The following DACH1 variants were observed in gnomAD, a reference collection of about 807,000 sequenced individuals.
DACH1 encodes dachshund homolog 1.
Under a neutral mutation model 54.2 loss-of-function variants are expected in DACH1, and 12 were observed. The ratio of observed to expected loss-of-function variants is 0.22; its 90% CI spans 0.14 to 0.36. The LOEUF (loss-of-function observed/expected upper bound fraction) is 0.36. DACH1 is among the 10% of genes least tolerant of loss of function. The pLI is 1.00. For synonymous variants in DACH1, 386 were observed against 366.2 expected (o/e 1.05, Z -0.62); for missense variants, 805 against 929.8 (o/e 0.87, Z 1.75).
At chr13:71,779,140 C>T (rs1235744321) in intron 1 of DACH1, among the ~76,000 whole-genome samples, 8 of 138,272 alleles carry the variant, frequency 5.8e-5, no homozygotes, top group African/African-American at 1.1e-4. Flanking sequence ...CATATATACA[C>T]ATATATACAC....
chr13:71,526,367 C>A (rs1216349235), intron 6 of DACH1, among the ~76,000 whole-genome samples: 1 of 152,036 alleles, frequency 6.6e-6, no homozygotes, highest in African/African-American at 2.4e-5. Context: ...CTGGCAGTTC[C>A]ATTTTCTTAT....
chr13:71,864,442 G>C (rs1476429212), intron 1 of DACH1, among the ~76,000 whole-genome samples: 1 of 152,042 alleles, frequency 6.6e-6, no homozygotes, highest in Non-Finnish European at 1.5e-5. Context: ...ATGTCCTTCT[G>C]GTCTCCTTGC....
chr13:71,559,418 G>A (rs1431626123), intron 5 of DACH1, among the ~76,000 whole-genome samples: 1 of 151,952 alleles, frequency 6.6e-6, no homozygotes, highest in Admixed American at 6.6e-5. Flanking sequence ...ATTAACACAA[G>A]GATAAAATTT....
At chr13:71,559,471 A>T (rs1339190936) in intron 5 of DACH1, among the ~76,000 whole-genome samples, 2 of 152,180 alleles carry the variant, frequency 1.3e-5, no homozygotes, top group Non-Finnish European at 2.9e-5. Flanking sequence ...GGATTTGAGG[A>T]ATGATGTTGA....
chr13:71,486,248 T>TA (rs879330338), intron 7 of DACH1, among the ~76,000 whole-genome samples: 3 of 151,946 alleles, frequency 2.0e-5, no homozygotes, highest in African/African-American at 7.2e-5. Context: ...TTAATTTTAA[T>TA]AAAAAATAAC....
rs772067224 is a variant in DACH1 at position 71,593,397 on chromosome 13, A to G, written c.1127-20385T>C. 2.6e-5 allele frequency among the ~76,000 whole-genome samples: 4 copies of G among 152,154 alleles called. 1 individual carries two copies. The South Asian group carries it at 8.3e-4, about 32-fold the overall frequency. On this transcript the variant is annotated intron_variant, in intron 3 of 10. Transcript: ENST00000613252. Reference sequence around the variant, plus strand: ...AGACAATGGATCTAAATTATCTATTATATTAATGATTGAAAGAATAGATGC... The same window carrying G: ...AGACAATGGATCTAAATTATCTATTGTATTAATGATTGAAAGAATAGATGC...
At chr13:71,745,265 A>T (rs914476000) in intron 1 of DACH1, among the ~76,000 whole-genome samples, 20 of 152,160 alleles carry the variant, frequency 1.3e-4, no homozygotes, top group African/African-American at 4.8e-4. Context: ...GTTCTACTAC[A>T]GGTTCATTAT....
intron 6 of DACH1, among the ~76,000 whole-genome samples, chr13:71,510,880 A>G (rs1880723486): frequency 6.6e-6 from 1 of 151,984 alleles, no homozygotes; most frequent in Non-Finnish European, 1.5e-5. Context: ...ACATTATTCT[A>G]TGTAACTCTC....
intron 1 of DACH1, among the ~76,000 whole-genome samples, chr13:71,768,898 G>A (rs950121054): frequency 6.6e-6 from 1 of 151,740 alleles, no homozygotes; most frequent in Non-Finnish European, 1.5e-5. Flanking sequence ...CTGAGTCTTG[G>A]AGCTTTTTTT....
At chr13:71,502,744 G>A (rs995604784) in intron 6 of DACH1, among the ~76,000 whole-genome samples, 4 of 152,096 alleles carry the variant, frequency 2.6e-5, no homozygotes, top group African/African-American at 9.7e-5. Context: ...TCATGAATCT[G>A]CCTCATTTGT....
chr13:71,721,705 TTTTA>T, intron 1 of DACH1, among the ~76,000 whole-genome samples: 1 of 152,276 alleles, frequency 6.6e-6, no homozygotes, highest in South Asian at 2.1e-4. Flanking sequence ...TAACTTAGGT[TTTTA>T]TTTATTTTGT....
At chr13:71,600,534 C>T (rs1010813744) in intron 3 of DACH1, among the ~76,000 whole-genome samples, 6 of 151,626 alleles carry the variant, frequency 4.0e-5, no homozygotes, top group African/African-American at 7.3e-5. Context: ...AGTATACATG[C>T]ATATTTATAT....
intron 3 of DACH1, among the ~76,000 whole-genome samples, chr13:71,620,427 T>C (rs952613538): frequency 6.6e-6 from 1 of 151,896 alleles, no homozygotes; most frequent in African/African-American, 2.4e-5. Flanking sequence ...ATTTTGAAAA[T>C]CTATCTTTTT....
chr13:71,514,223 G>T (rs1172121273), intron 6 of DACH1, among the ~76,000 whole-genome samples: 1 of 151,868 alleles, frequency 6.6e-6, no homozygotes, highest in Non-Finnish European at 1.5e-5. Flanking sequence ...AAGCTAAGAA[G>T]TGGCTTAAAC....
Position 71,515,217 on chromosome 13 carries a change from G to A in DACH1, c.1571-26069C>T, listed in dbSNP as rs753666045. Among the ~76,000 whole-genome samples the A allele has an allele frequency of 3.6e-4, 54 of 151,862 alleles. 1 individual carries two copies. Among genetic ancestry groups the A allele is most frequent in the Non-Finnish European group, 6.3e-4 (43 of 67,906 alleles). ...TGAAATTTTTAAAAAAGATAATATT[G>A]AAGTAAAAATGTTAATGTGTTTAGG... is the stretch of plus-strand genomic sequence containing the variant. On this transcript the variant is annotated intron_variant, in intron 6 of 10. Transcript: ENST00000613252.
intron 3 of DACH1, among the ~76,000 whole-genome samples, chr13:71,602,004 T>C (rs1874530195): frequency 6.6e-6 from 1 of 151,992 alleles, no homozygotes; most frequent in Non-Finnish European, 1.5e-5. Flanking sequence ...ATAGTATGCA[T>C]TGAATACCCT....
chr13:71,828,780 C>T (rs938872396), intron 1 of DACH1, among the ~76,000 whole-genome samples: 2 of 151,906 alleles, frequency 1.3e-5, no homozygotes, highest in Non-Finnish European at 2.9e-5. Context: ...CACTCTTCCT[C>T]ACTTCCATCC....
chr13:71,634,456 C>T (rs1005890318), intron 2 of DACH1, among the ~76,000 whole-genome samples: 2 of 152,122 alleles, frequency 1.3e-5, no homozygotes, highest in Non-Finnish European at 2.9e-5. Context: ...CACTAGCAAA[C>T]GACTTCATTC....
intron 1 of DACH1, among the ~76,000 whole-genome samples, chr13:71,795,453 G>T (rs1887006755): frequency 6.6e-6 from 1 of 152,020 alleles, no homozygotes; most frequent in Non-Finnish European, 1.5e-5. Context: ...TCCTCCCTAA[G>T]GCTCTCCATC....
Sources: gnomAD v4.1 joint callset for allele counts (sites outside exome capture counted in the v4.1 genomes callset) on GRCh38, gnomAD v4.1.1 for gene constraint, MANE v1.5 for transcripts, NCBI Gene and HGNC (gene_info 2026-07-23, HGNC 2026-07-21) for gene names.